GSAP: variants seen among roughly 807,000 people sequenced by gnomAD.
GSAP encodes the protein gamma-secretase-activating protein.
GSAP carries 118 observed loss-of-function variants against 131.7 expected under a neutral mutation model. The observed-to-expected ratio is 0.90, with a 90% confidence interval of 0.77 to 1.04. The LOEUF is 1.04. GSAP is among the 50% of genes least tolerant of loss of function. The pLI, the probability that GSAP is intolerant of heterozygous loss-of-function variation, is 0.00. For synonymous variants in GSAP, 381 were observed against 363.4 expected, an observed-to-expected ratio of 1.05 and a Z score of -0.55; for missense variants, 1,019 against 1,013.2, an observed-to-expected ratio of 1.01 and a Z score of -0.08.
At chr7:77,402,235 A>C (rs1198677049) in intron 3 of GSAP, among the ~76,000 whole-genome samples, 10 of 151,270 alleles carry the variant, frequency 6.6e-5, no homozygotes, top group Non-Finnish European at 1.3e-4. Context: ...GCACCTTTCC[A>C]AGGAAAAATA....
intron 26 of GSAP, among the ~76,000 whole-genome samples, chr7:77,319,209 AAAC>A (rs1664193743): frequency 1.3e-5 from 2 of 152,212 alleles, no homozygotes; most frequent in Admixed American, 1.3e-4. Flanking sequence ...AATAGCAAGA[AAAC>A]AACCAGATTA....
At chr7:77,321,211 G>T in intron 25 of GSAP, 122 bp downstream of exon 25, 1 of 687,296 alleles carries the variant, frequency 1.5e-6, no homozygotes. Context: ...ATAGAATTAA[G>T]CTAGATGGTG....
intron 12 of GSAP, among the ~76,000 whole-genome samples, chr7:77,366,901 G>A (rs985033844): frequency 6.6e-6 from 1 of 152,146 alleles, no homozygotes; most frequent in African/African-American, 2.4e-5. Context: ...TCTTTGAGCA[G>A]TGTTTTGTAA....
chr7:77,400,165 C>G (rs1390430138), intron 3 of GSAP, among the ~76,000 whole-genome samples: 1 of 152,172 alleles, frequency 6.6e-6, no homozygotes, highest in Non-Finnish European at 1.5e-5. Flanking sequence ...AGGCAGCCTT[C>G]CCCCTTCTGC....
At chr7:77,334,087 G>T (rs1397476733) in intron 19 of GSAP, among the ~76,000 whole-genome samples, 1 of 152,130 alleles carries the variant, frequency 6.6e-6, no homozygotes, top group Non-Finnish European at 1.5e-5. Context: ...ATACCCAAAG[G>T]AATACAAATC....
Position 77,346,287 on chromosome 7 carries a change from AAAAG to A in GSAP, c.1545+3060_1545+3063del, listed in dbSNP as rs1157698199. Among the ~76,000 whole-genome samples the A allele has an allele frequency of 1.3e-3, 195 of 150,394 alleles. 5 individuals are homozygous for A. Among genetic ancestry groups the A allele is most frequent in the Non-Finnish European group, 1.1e-3 (76 of 67,598 alleles). ...CTCCATCTCAAAAAAAAAAAAAAAA[AAAAG>A]AAAGAAAGAAAAAAAATTCTCTGCA... On this transcript the variant is annotated intron_variant, in intron 19 of 30. Coordinates refer to ENST00000257626, the MANE Select transcript of GSAP (RefSeq NM_017439.4).
chr7:77,350,989 A>C (rs894906731), intron 18 of GSAP: 14 of 347,650 alleles, frequency 4.0e-5, no homozygotes, highest in Non-Finnish European at 5.3e-5. Context: ...AAAAAAAAGT[A>C]GATAAGTATA....
chr7:77,411,195 G>T (rs1248086514), intron 1 of GSAP, among the ~76,000 whole-genome samples: 1 of 149,750 alleles, frequency 6.7e-6, no homozygotes, highest in Non-Finnish European at 1.5e-5. Flanking sequence ...ACCAAAAAAA[G>T]TATTATTCTT....
chr7:77,379,836 C>T (rs1797527273), intron 8 of GSAP: 2 of 983,132 alleles, frequency 2.0e-6, no homozygotes, highest in Admixed American at 6.1e-5. Context: ...CCCAGAGCTC[C>T]AGTGACATAC....
intron 19 of GSAP, among the ~76,000 whole-genome samples, chr7:77,343,426 T>A (rs976623449): frequency 1.3e-5 from 2 of 152,220 alleles, no homozygotes; most frequent in African/African-American, 4.8e-5. Context: ...TGCACCTCCA[T>A]GCTGTTATAT....
rs368270601 is a variant in GSAP at position 77,348,491 on chromosome 7, C to G, written c.1545+860G>C. Among the ~76,000 whole-genome samples the G allele has an allele frequency of 5.3e-5, 8 of 152,252 alleles. No homozygotes were observed. The East Asian group carries it at 1.5e-3, about 29-fold the overall frequency. ...GACCTAAAATGCCACAGCCTTCCCCCAGCTGTCCAGGCCCGGCCTGCCCTT... is the reference window on the plus strand; with the variant it reads ...GACCTAAAATGCCACAGCCTTCCCCGAGCTGTCCAGGCCCGGCCTGCCCTT... On this transcript the variant is annotated intron_variant, in intron 19 of 30. Coordinates refer to ENST00000257626, the MANE Select transcript of GSAP (RefSeq NM_017439.4).
At chr7:77,336,216 T>G (rs925066696) in intron 19 of GSAP, among the ~76,000 whole-genome samples, 1 of 152,206 alleles carries the variant, frequency 6.6e-6, no homozygotes, top group African/African-American at 2.4e-5. Flanking sequence ...AATATGGCTC[T>G]AAACTATTCC....
At chr7:77,329,604 T>C (rs1484727370) in intron 20 of GSAP, 1 of 337,632 alleles carries the variant, frequency 3.0e-6, no homozygotes, top group Admixed American at 5.0e-5. Flanking sequence ...AACTATATAC[T>C]ACACACAACA....
intron 30 of GSAP, 88 bp downstream of exon 30, chr7:77,311,753 T>A: frequency 1.4e-6 from 1 of 720,608 alleles, no homozygotes; most frequent in Non-Finnish European, 2.5e-6. Context: ...TTAAAAGGAT[T>A]TTGGAAAGAA....
In GSAP at chr7:77,394,565, T is replaced by C. The variant is rs556349984; in HGVS notation, c.367+2417A>G. Among the ~76,000 whole-genome samples, 4 of 152,234 alleles carry C rather than the reference T, an allele frequency of 2.6e-5. No individual in the cohort carries two copies. In the East Asian group the frequency reaches 7.7e-4, roughly 29 times the overall value. On this transcript the variant is annotated intron_variant, in intron 5 of 30. Transcript: ENST00000257626. ...TAAGAACTTATCTCAGGGAGCAATA[T>C]AACTCTAGGATCACTCTAGCCAGCA...
At chr7:77,377,932 C>G (rs1319232572) in intron 8 of GSAP, among the ~76,000 whole-genome samples, 1 of 152,210 alleles carries the variant, frequency 6.6e-6, no homozygotes, top group African/African-American at 2.4e-5. Context: ...CATCTCTCAG[C>G]AATACTTAAC....
At chr7:77,383,714 C>A (rs547211713) in intron 6 of GSAP, among the ~76,000 whole-genome samples, 30 of 152,276 alleles carry the variant, frequency 2.0e-4, no homozygotes, top group South Asian at 1.7e-3. Flanking sequence ...CTCAAAAGGG[C>A]AATTGTAAAC....
chr7:77,374,961 ACT>A (rs890381282), intron 11 of GSAP, 95 bp downstream of exon 11: 64 of 588,484 alleles, frequency 1.1e-4, no homozygotes, highest in African/African-American at 1.0e-3. Flanking sequence ...AGAATATCAA[ACT>A]CTCTTTTTAT....
At chr7:77,403,974 T>C (rs1209318592) in intron 3 of GSAP, among the ~76,000 whole-genome samples, 1 of 152,222 alleles carries the variant, frequency 6.6e-6, no homozygotes, top group African/African-American at 2.4e-5. Context: ...ATAGTGTTCA[T>C]AATAGGCAAA....
Sources: gnomAD v4.1 joint callset for allele counts (sites outside exome capture counted in the v4.1 genomes callset) on GRCh38, gnomAD v4.1.1 for gene constraint, MANE v1.5 for transcripts, NCBI Gene and HGNC (gene_info 2026-07-23, HGNC 2026-07-21) for gene names.